The following ARID4B variants were observed in gnomAD, a reference collection of about 807,000 sequenced individuals.
The protein encoded by ARID4B is AT-rich interaction domain 4B.
A neutral mutation model predicts 147.5 loss-of-function variants in ARID4B; 26 were observed. That is an observed-to-expected ratio of 0.18 (90% CI 0.13 to 0.24). The LOEUF is 0.24. ARID4B is among the 10% of genes least tolerant of loss of function. The pLI, the probability that ARID4B is intolerant of heterozygous loss-of-function variation, is 1.00. For synonymous variants in ARID4B, 512 were observed against 507.9 expected (o/e 1.01, Z -0.11); for missense variants, 1,179 against 1,511.5 (o/e 0.78, Z 3.65).
intron 2 of ARID4B, among the ~76,000 whole-genome samples, chr1:235,309,749 A>C (rs1673911926): frequency 6.6e-6 from 1 of 152,142 alleles, no homozygotes; most frequent in African/African-American, 2.4e-5. Flanking sequence ...AAGGTGGGGA[A>C]AAGATTGAGA....
At chr1:235,210,067 A>G (rs558518237) in intron 17 of ARID4B, among the ~76,000 whole-genome samples, 3 of 152,072 alleles carry the variant, frequency 2.0e-5, no homozygotes, top group Non-Finnish European at 2.9e-5. Context: ...ATCTCTACAA[A>G]AGATAAAAAA....
intron 2 of ARID4B, among the ~76,000 whole-genome samples, chr1:235,312,462 T>C (rs1457150525): frequency 2.6e-5 from 4 of 152,192 alleles, no homozygotes; most frequent in African/African-American, 4.8e-5. Context: ...ACTTCTACTG[T>C]CCACTGAATA....
intron 8 of ARID4B, among the ~76,000 whole-genome samples, chr1:235,236,833 A>ATATATATATATATATATATATATGTGTGT (rs1668597409): frequency 6.0e-5 from 2 of 33,522 alleles, no homozygotes; most frequent in Non-Finnish European, 9.3e-5. Flanking sequence ...TTTTATAAAA[A>ATATATATATATATATATATATATGTGTGT]ATATATATAT....
intron 19 of ARID4B, among the ~76,000 whole-genome samples, chr1:235,184,688 C>CA (rs1664554770): frequency 6.6e-6 from 1 of 152,166 alleles, no homozygotes; most frequent in South Asian, 2.1e-4. Flanking sequence ...ACATATACAT[C>CA]ATTAAAAACA....
At chr1:235,206,585 A>G (rs1176703866) in intron 17 of ARID4B, among the ~76,000 whole-genome samples, 1 of 152,166 alleles carries the variant, frequency 6.6e-6, no homozygotes. Flanking sequence ...TAATTTTGAG[A>G]AAGGAAGAAA....
At chr1:235,284,299 G>A (rs1412832486) in intron 2 of ARID4B, among the ~76,000 whole-genome samples, 1 of 152,210 alleles carries the variant, frequency 6.6e-6, no homozygotes, top group Non-Finnish European at 1.5e-5. Context: ...GGCAGATGCT[G>A]CAGTGAGCCA....
chr1:235,235,803 A>G (rs1668513806), intron 8 of ARID4B, among the ~76,000 whole-genome samples: 2 of 152,202 alleles, frequency 1.3e-5, no homozygotes, highest in Non-Finnish European at 2.9e-5. Flanking sequence ...TAAAAAATTG[A>G]GACTGAGAGT....
intron 2 of ARID4B, among the ~76,000 whole-genome samples, chr1:235,291,247 T>A (rs1424453790): frequency 4.0e-5 from 6 of 148,520 alleles, no homozygotes; most frequent in South Asian, 2.2e-4. Flanking sequence ...ATAAAAAAAA[T>A]TAAAAATAAA....
At position 235,233,228 on chromosome 1, in the gene ARID4B, G is replaced by A. The variant is rs146167396; in HGVS notation, c.665+1185C>T. On this transcript the variant is annotated intron_variant, in intron 9 of 23. Transcript: ENST00000264183. ...TTTGGGAGGCCAGGGCATTTGGATC[G>A]CTTGAGCTGAGGAGTTCGAGACCAG... Among the ~76,000 whole-genome samples the A allele has an allele frequency of 1.3e-3, 205 of 152,126 alleles. 1 individual carries two copies. The highest frequency in any genetic ancestry group is 4.7e-3 in the African/African-American group (197 of 41,516).
intron 2 of ARID4B, among the ~76,000 whole-genome samples, chr1:235,278,475 T>C (rs1671478175): frequency 6.6e-6 from 1 of 152,096 alleles, no homozygotes; most frequent in African/African-American, 2.4e-5. Flanking sequence ...AGTCTAGCAT[T>C]TCCCTTGCCA....
In ARID4B at chr1:235,186,411, A is replaced by AT. The variant is rs879460039; in HGVS notation, c.2126-3619dup. Reference sequence around the variant, plus strand: ...TCTTAATGCTCTACTGAATTTGCTTATTTTTTTTTTTTTTTAAGAGACAGA... The same window carrying AT: ...TCTTAATGCTCTACTGAATTTGCTTATTTTTTTTTTTTTTTTAAGAGACAGA... On this transcript the variant is annotated intron_variant, in intron 19 of 23. Transcript: ENST00000264183. 7.7e-3 allele frequency among the ~76,000 whole-genome samples: 1,051 copies of AT among 137,312 alleles called. 5 individuals carry two copies. The highest frequency in any genetic ancestry group is 0.021 in the African/African-American group (789 of 36,792). The allele number at this position is 137,312 out of a possible 152,430, so 90.1% of individuals were successfully genotyped here. A position where few individuals can be genotyped will look rare whatever the true frequency, so the allele number is the denominator to read the frequency against.
At chr1:235,276,419 T>C (rs1045554360) in intron 2 of ARID4B, among the ~76,000 whole-genome samples, 2 of 152,112 alleles carry the variant, frequency 1.3e-5, no homozygotes, top group African/African-American at 2.4e-5. Flanking sequence ...TAAAAAACAA[T>C]AGTTTACATC....
chr1:235,326,685 T>G, intron 2 of ARID4B: 1 of 550,656 alleles, frequency 1.8e-6, no homozygotes, highest in Admixed American at 3.2e-5. Context: ...CAAAAAGAGA[T>G]GTTCAATATG....
intron 2 of ARID4B, among the ~76,000 whole-genome samples, chr1:235,278,869 A>G (rs186490913): frequency 7.5e-4 from 114 of 152,324 alleles, no homozygotes; most frequent in Non-Finnish European, 1.4e-3. Context: ...ATTATAAACT[A>G]GAAAAGTGGT....
intron 2 of ARID4B, among the ~76,000 whole-genome samples, chr1:235,318,836 G>C (rs138646745): frequency 2.6e-5 from 4 of 151,918 alleles, no homozygotes; most frequent in Non-Finnish European, 5.9e-5. Context: ...AGCCATGGTC[G>C]AGCCACTGCA....
chr1:235,270,587 A>G (rs1412848751), intron 2 of ARID4B, among the ~76,000 whole-genome samples: 1 of 152,234 alleles, frequency 6.6e-6, no homozygotes, highest in Non-Finnish European at 1.5e-5. Flanking sequence ...GTAACTCCAA[A>G]GAAATATTCT....
chr1:235,297,833 G>A (rs1672851204), intron 2 of ARID4B, among the ~76,000 whole-genome samples: 1 of 152,144 alleles, frequency 6.6e-6, no homozygotes, highest in African/African-American at 2.4e-5. Context: ...TTAAATAACA[G>A]TTTCTTCATC....
chr1:235,280,508 T>TG (rs1671596879), intron 2 of ARID4B, among the ~76,000 whole-genome samples: 1 of 152,252 alleles, frequency 6.6e-6, no homozygotes, highest in South Asian at 2.1e-4. Flanking sequence ...ACTCAGGTCC[T>TG]GAGCAGCTCA....
At chr1:235,312,027 C>T (rs560431001) in intron 2 of ARID4B, among the ~76,000 whole-genome samples, 1 of 152,102 alleles carries the variant, frequency 6.6e-6, no homozygotes, top group East Asian at 1.9e-4. Flanking sequence ...TGGTGGCTCA[C>T]GTCTGTAATC....
Sources: allele counts gnomAD v4.1 joint callset (sites outside exome capture counted in the v4.1 genomes callset), GRCh38; gene constraint gnomAD v4.1.1; transcripts MANE v1.5; gene names NCBI Gene and HGNC (gene_info 2026-07-23, HGNC 2026-07-21).